BABAM2: variants seen among roughly 807,000 people sequenced by gnomAD.
BABAM2 encodes the protein BRISC and BRCA1-A complex member 2.
In BABAM2, 31 loss-of-function variants were observed where a neutral mutation model predicts 54.7. That is an observed-to-expected ratio of 0.57 (90% confidence interval 0.43 to 0.77). The LOEUF is 0.77. Among genes scored for constraint, BABAM2 ranks in the 30% least tolerant of loss-of-function variants. BABAM2 has a pLI of 0.00. For synonymous variants in BABAM2, 167 were observed against 162.9 expected, an observed-to-expected ratio of 1.03 and a Z score of -0.19; for missense variants, 364 against 455.8, an observed-to-expected ratio of 0.80 and a Z score of 1.83.
chr2:28,257,436 T>C (rs751690196), intron 10 of BABAM2, among the ~76,000 whole-genome samples: 2 of 152,252 alleles, frequency 1.3e-5, no homozygotes, highest in Non-Finnish European at 2.9e-5. Flanking sequence ...CGATTTCTTT[T>C]ACTTAGCATA....
At chr2:28,053,266 A>G (rs1678137014) in intron 6 of BABAM2, among the ~76,000 whole-genome samples, 1 of 152,214 alleles carries the variant, frequency 6.6e-6, no homozygotes, top group African/African-American at 2.4e-5. Context: ...AAATCAGTAA[A>G]GTCACACTTA....
At chr2:28,158,878 C>T (rs1265223524) in intron 7 of BABAM2, among the ~76,000 whole-genome samples, 1 of 152,102 alleles carries the variant, frequency 6.6e-6, no homozygotes, top group Non-Finnish European at 1.5e-5. Flanking sequence ...CTCATTAATG[C>T]CTTTGCCCTT....
intron 10 of BABAM2, among the ~76,000 whole-genome samples, chr2:28,266,652 A>G (rs4666049): frequency 4.0e-4 from 61 of 152,256 alleles, no homozygotes; most frequent in African/African-American, 1.4e-3. Flanking sequence ...AGGTAAGGAA[A>G]CCAAGGGTAA....
chr2:28,291,424 C>G (rs2148223046), intron 10 of BABAM2, among the ~76,000 whole-genome samples: 1 of 152,152 alleles, frequency 6.6e-6, no homozygotes, highest in African/African-American at 2.4e-5. Context: ...GAAACCCAGT[C>G]TCTACTTAAA....
intron 7 of BABAM2, among the ~76,000 whole-genome samples, chr2:28,151,228 A>G (rs1672002578): frequency 6.6e-6 from 1 of 152,186 alleles, no homozygotes; most frequent in African/African-American, 2.4e-5. Context: ...TTTTATGCCT[A>G]CATGCTCCAG....
At chr2:28,190,612 G>A (rs956757648) in intron 7 of BABAM2, among the ~76,000 whole-genome samples, 1 of 152,158 alleles carries the variant, frequency 6.6e-6, no homozygotes. Context: ...ACTTGAACTC[G>A]GGAGGCAGAG....
Position 28,336,105 on chromosome 2 carries a change from C to T in BABAM2, c.1089-2345C>T, listed in dbSNP as rs143942924. On this transcript the variant is annotated intron_variant, in intron 11 of 11. Coordinates refer to ENST00000379624, the MANE Select transcript of BABAM2 (RefSeq NM_199191.3). ...GTCAGGAAAGGGACAGAGACTCACA[C>T]TGTAAGAGAATCAGTGTAGCTGCAA... 5.9e-5 allele frequency among the ~76,000 whole-genome samples: 9 copies of T among 152,292 alleles called. No homozygotes were observed. In the East Asian group the frequency reaches 1.7e-3, roughly 29 times the overall value.
intron 4 of BABAM2, among the ~76,000 whole-genome samples, chr2:28,024,164 G>A (rs1675473365): frequency 6.6e-6 from 1 of 152,144 alleles, no homozygotes. Context: ...CAGCACTTTG[G>A]GAGGCCGAGG....
intron 4 of BABAM2, among the ~76,000 whole-genome samples, chr2:28,014,369 A>C (rs1674640803): frequency 6.6e-6 from 1 of 152,228 alleles, no homozygotes; most frequent in Admixed American, 6.5e-5. Context: ...CCTTCTGTTC[A>C]GACTAATTCT....
At chr2:28,050,747 G>A (rs1677934018) in intron 6 of BABAM2, among the ~76,000 whole-genome samples, 2 of 152,268 alleles carry the variant, frequency 1.3e-5, no homozygotes, top group Middle Eastern at 3.4e-3. Context: ...GGATTGGAAT[G>A]ATTAGGTCAT....
At chr2:28,054,951 A>G (rs1558294165) in intron 6 of BABAM2, among the ~76,000 whole-genome samples, 1 of 152,206 alleles carries the variant, frequency 6.6e-6, no homozygotes, top group Non-Finnish European at 1.5e-5. Flanking sequence ...TTTGTATTTC[A>G]AAGTATTGAA....
rs755590413 is a variant in BABAM2, at chr2:28,322,121, A to C, written c.1089-16329A>C. Among the ~76,000 whole-genome samples, 15 of 152,078 alleles carry C rather than the reference A, an allele frequency of 9.9e-5. No homozygotes were observed. Among genetic ancestry groups the C allele is most frequent in the Non-Finnish European group, 1.9e-4 (13 of 68,014 alleles). ...TGTCACTGAGGTGCAGCCCCAGTGA[A>C]ATGAACTCAGAAGCCTCCAGTGTTT... On this transcript the variant is annotated intron_variant, in intron 11 of 11. Coordinates refer to ENST00000379624, the MANE Select transcript of BABAM2 (RefSeq NM_199191.3). This position sits in a 1 kb window ranked among gnomAD's most constrained non-coding sequence, Gnocchi z 4.1.
chr2:27,993,882 G>T (rs1374772244), intron 4 of BABAM2, among the ~76,000 whole-genome samples: 1 of 152,120 alleles, frequency 6.6e-6, no homozygotes, highest in Admixed American at 6.6e-5. Flanking sequence ...TTCTGAATGT[G>T]TCCTTGCAAA....
intron 2 of BABAM2, among the ~76,000 whole-genome samples, chr2:27,917,952 A>C (rs1483111134): frequency 6.6e-6 from 1 of 152,150 alleles, no homozygotes. Context: ...GTGTCCAGAA[A>C]TGTGAGGGTC....
intron 7 of BABAM2, among the ~76,000 whole-genome samples, chr2:28,162,980 A>C (rs879473296): frequency 3.3e-5 from 5 of 152,186 alleles, no homozygotes; most frequent in African/African-American, 1.2e-4. Flanking sequence ...CATTTAATCC[A>C]CAAGTGTAAG....
intron 2 of BABAM2, among the ~76,000 whole-genome samples, chr2:27,906,145 G>A (rs577634626): frequency 6.6e-6 from 1 of 152,238 alleles, no homozygotes; most frequent in South Asian, 2.1e-4. Context: ...CAGTGTGTGG[G>A]GTCATAGATG....
intron 5 of BABAM2, among the ~76,000 whole-genome samples, chr2:28,042,982 C>T (rs1472971850): frequency 2.6e-5 from 4 of 151,510 alleles, no homozygotes; most frequent in Non-Finnish European, 4.4e-5. Context: ...TGAGATCGCG[C>T]CACTGCACTC....
intron 6 of BABAM2, among the ~76,000 whole-genome samples, chr2:28,047,886 A>G (rs1018476840): frequency 1.3e-5 from 2 of 152,230 alleles, no homozygotes; most frequent in African/African-American, 4.8e-5. Flanking sequence ...CTACCAGCAC[A>G]CCAGAAGCAA....
chr2:28,327,455 T>C, intron 11 of BABAM2: 1 of 1,566,674 alleles, frequency 6.4e-7, no homozygotes, highest in Non-Finnish European at 8.7e-7. Context: ...TTGGTAAGTA[T>C]TTAAAAATAC....
Sources: gnomAD v4.1 joint callset for allele counts (sites outside exome capture counted in the v4.1 genomes callset) on GRCh38, gnomAD v4.1.1 for gene constraint, Gnocchi (gnomAD v3.1) non-coding constraint, MANE v1.5 for transcripts, NCBI Gene and HGNC (gene_info 2026-07-23, HGNC 2026-07-21) for gene names.